Variants in KDM5A observed in about 807,000 individuals in gnomAD.
KDM5A encodes the protein lysine-specific demethylase 5A.
Under a neutral mutation model 193.5 loss-of-function variants are expected in KDM5A, and 42 were observed. The ratio of observed to expected loss-of-function variants is 0.22; its 90% CI spans 0.17 to 0.28. The LOEUF is 0.28. Among genes scored for constraint, KDM5A ranks in the 10% least tolerant of loss-of-function variants. KDM5A has a pLI of 1.00. For missense variants in KDM5A, 1,692 were observed against 2,055.1 expected (o/e 0.82, Z 3.42); for synonymous variants, 796 against 718.1 (o/e 1.11, Z -1.73).
At chr12:363,152 G>T in intron 4 of KDM5A, 55 bp from the exon 5 acceptor site, 2 of 1,605,260 alleles carry the variant, frequency 1.2e-6, no homozygotes, top group Non-Finnish European at 1.7e-6. Flanking sequence ...AATCATGCTG[G>T]AGAATCAGTG....
chr12:345,388 G>A (rs1380033937), intron 10 of KDM5A, among the ~76,000 whole-genome samples: 1 of 152,136 alleles, frequency 6.6e-6, no homozygotes, highest in Non-Finnish European at 1.5e-5. Flanking sequence ...GGATATCCAG[G>A]ACCTGAATTC....
intron 19 of KDM5A, among the ~76,000 whole-genome samples, chr12:314,162 T>C (rs1277142293): frequency 6.6e-6 from 1 of 152,150 alleles, no homozygotes; most frequent in Non-Finnish European, 1.5e-5. Context: ...GTCCTGGAAA[T>C]TGCTCATGAG....
chr12:297,271 G>A, intron 24 of KDM5A, 71 bp from the exon 25 acceptor site: 1 of 1,389,424 alleles, frequency 7.2e-7, no homozygotes, highest in Non-Finnish European at 1.0e-6. Context: ...GGCCCAAAAT[G>A]GAGGCTTTCA....
rs1944171815 is a variant in KDM5A, at chr12:352,267, G to A, written c.1087C>T (p.Leu363Phe). 1 of 1,612,112 alleles carries A rather than the reference G, an allele frequency of 6.2e-7. No individual in the cohort carries two copies. The highest frequency in any genetic ancestry group is 8.5e-7 in the Non-Finnish European group (1 of 1,178,338). Residue 363 changes from leucine (L) to phenylalanine (F), a missense_variant, in exon 9 of 28, where the codon CTT becomes TTT. This residue lies in a region of KDM5A where 62 missense variants were observed against 107.1 expected (regional missense o/e 0.58). Transcript: ENST00000399788. ...TCTGCCATCTCTCCAAAGCTCTGAA[G>A]TGTATACTCTCGTACAGCTTGTTCA... is the stretch of plus-strand genomic sequence containing the variant. The part of the protein sequence containing the change: ...GFEQAVREYT[L>F]QSFGEMADNF...
chr12:318,012 A>AT, intron 19 of KDM5A, 94 bp downstream of exon 19: 2 of 945,720 alleles, frequency 2.1e-6, no homozygotes, highest in Non-Finnish European at 3.3e-6. Context: ...AAAAAAAAAA[A>AT]GTCATTTAAT....
chr12:321,054 C>T lies in KDM5A; in HGVS notation c.2482G>A (p.Ala828Thr). ...AGACTAAAAAGTTGTTGGACAAAGG[C>T]CTTCAATTCTTCCACTGTCAGTTTG... Reference protein sequence around the residue: ...RTKLTVEELKAFVQQLFSLPC... With the variant: ...RTKLTVEELKTFVQQLFSLPC... Residue 828 changes from alanine to threonine, a missense_variant, in exon 18 of 28, where the codon GCC becomes ACC. By Grantham distance (58) the Ala-to-Thr change is moderately conservative. This residue lies in a region of KDM5A where 965 missense variants were observed against 1,061.0 expected (regional missense o/e 0.91). Transcript: ENST00000399788. The T allele has an allele frequency of 6.2e-7, 1 of 1,614,160 alleles. No individual in the cohort carries two copies. The highest frequency in any genetic ancestry group is 8.5e-7 in the Non-Finnish European group (1 of 1,180,004).
intron 24 of KDM5A, 76 bp downstream of exon 24, chr12:306,870 T>C (rs2137386162): frequency 1.4e-6 from 2 of 1,396,558 alleles, no homozygotes; most frequent in Non-Finnish European, 2.0e-6. Context: ...CAAACATCAC[T>C]GTTCAATAGC....
chr12:317,408 G>A (rs1943662354), intron 19 of KDM5A, among the ~76,000 whole-genome samples: 1 of 152,052 alleles, frequency 6.6e-6, no homozygotes, highest in Non-Finnish European at 1.5e-5. Context: ...CTGAATCCCT[G>A]TAATATTTTT....
intron 1 of KDM5A, chr12:388,302 C>A (rs1191085935): frequency 2.2e-6 from 1 of 455,824 alleles, no homozygotes; most frequent in Non-Finnish European, 4.4e-6. Flanking sequence ...ATTCTAAAAT[C>A]GTTGATCTTG....
intron 7 of KDM5A, among the ~76,000 whole-genome samples, 170 bp from the exon 8 acceptor site, chr12:354,404 C>T (rs1944205233): frequency 6.6e-6 from 1 of 152,102 alleles, no homozygotes; most frequent in South Asian, 2.1e-4. Flanking sequence ...CATAAAACTC[C>T]CTAAATTTCC....
Position 384,072 on chromosome 12 carries a change from C to T in KDM5A, c.325G>A (p.Val109Met), listed in dbSNP as rs1276807058. The change falls in exon 3 of 28, where the codon GTG (valine) becomes ATG (methionine). Residue 109 changes from valine to methionine, a missense_variant. Val to Met is a conservative substitution (Grantham distance 21). Around this residue, in one of 11 missense-constraint regions of KDM5A, gnomAD observed 120 missense variants for 172.0 expected, o/e 0.70. Transcript: ENST00000399788. Reference sequence around the variant, plus strand: ...AGATCCAGGATTTTTCTCTCTACCACAGGGATCTTCAGAGTAGATCCTTGA... The same window carrying T: ...AGATCCAGGATTTTTCTCTCTACCATAGGGATCTTCAGAGTAGATCCTTGA... ...ELQGSTLKIP[V>M]VERKILDLYA... The T allele has an allele frequency of 6.2e-7, 1 of 1,613,632 alleles. No individual in the cohort carries two copies. The highest frequency in any genetic ancestry group is 2.2e-5 in the East Asian group (1 of 44,888).
chr12:342,594 G>C (rs908249853), intron 10 of KDM5A, among the ~76,000 whole-genome samples: 1 of 151,996 alleles, frequency 6.6e-6, no homozygotes, highest in Admixed American at 6.6e-5. Context: ...AGAGTAGCTG[G>C]GATTACAGGC....
At chr12:327,204 G>T (rs891158748) in intron 14 of KDM5A, among the ~76,000 whole-genome samples, 9 of 152,174 alleles carry the variant, frequency 5.9e-5, no homozygotes, top group African/African-American at 9.7e-5. Context: ...CATGGTAGAG[G>T]ATCAGGAGAT....
intron 25 of KDM5A, 60 bp downstream of exon 25, chr12:296,978 CATA>C: frequency 6.5e-7 from 1 of 1,527,180 alleles, no homozygotes; most frequent in Non-Finnish European, 9.0e-7. Flanking sequence ...TCTTGATTAA[CATA>C]ATGCTTTTTC....
chr12:378,594 T>C lies in KDM5A; in HGVS notation c.366+5437A>G, dbSNP rs981135885. Among the ~76,000 whole-genome samples, 11 of 152,116 alleles carry C rather than the reference T, an allele frequency of 7.2e-5. 1 individual carries two copies. Among genetic ancestry groups the C allele is most frequent in the African/African-American group, 2.6e-4 (11 of 41,534 alleles). On this transcript the variant is annotated intron_variant, in intron 3 of 27. Transcript: ENST00000399788. ...GCCTTGTGTTTTAAAAGTGTACTAC[T>C]TTAATAAAAATAAAAATGTTTTAAC...
At chr12:309,702 T>A (rs1013400433) in intron 22 of KDM5A, 101 bp downstream of exon 22, 1 of 1,263,194 alleles carries the variant, frequency 7.9e-7, no homozygotes, top group South Asian at 1.3e-5. Flanking sequence ...CCAAAGTATA[T>A]GAAAATAAAA....
chr12:300,383 TC>T (rs1475640210), intron 24 of KDM5A, among the ~76,000 whole-genome samples: 1 of 152,076 alleles, frequency 6.6e-6, no homozygotes, highest in Non-Finnish European at 1.5e-5. Context: ...AGAAACTCAC[TC>T]AAAACCACAC....
At chr12:305,158 CCT>C (rs1943489562) in intron 24 of KDM5A, among the ~76,000 whole-genome samples, 1 of 152,070 alleles carries the variant, frequency 6.6e-6, no homozygotes, top group Admixed American at 6.6e-5. Context: ...AACTGTAATG[CCT>C]CTTTTCTTAA....
intron 10 of KDM5A, among the ~76,000 whole-genome samples, chr12:338,434 G>C (rs749013702): frequency 3.3e-5 from 5 of 152,196 alleles, no homozygotes; most frequent in Non-Finnish European, 7.3e-5. Flanking sequence ...TTACTGGTGT[G>C]ATTAAGCACA....
Sources: gnomAD v4.1 joint callset for allele counts (sites outside exome capture counted in the v4.1 genomes callset) on GRCh38, gnomAD v4.1.1 for gene constraint, gnomAD v4.1.1 regional missense constraint, MANE v1.5 for transcripts, NCBI Gene and HGNC (gene_info 2026-07-23, HGNC 2026-07-21) for gene names.